Variants in MAPRE2 observed in about 807,000 individuals in gnomAD.
MAPRE2 encodes the protein microtubule-associated protein RP/EB family member 2.
Under a neutral mutation model 43.2 loss-of-function variants are expected in MAPRE2, and 13 were observed. That is an observed-to-expected ratio of 0.30 (90% confidence interval 0.20 to 0.48). The LOEUF is 0.48. Among genes scored for constraint, MAPRE2 ranks in the 20% least tolerant of loss-of-function variants. MAPRE2 has a pLI of 0.99. For missense variants in MAPRE2, 161 were observed against 400.2 expected (o/e 0.40, Z 5.10); for synonymous variants, 135 against 148.8 (o/e 0.91, Z 0.68).
chr18:35,007,209 T>C lies in MAPRE2; in HGVS notation c.-8+1656T>C, dbSNP rs142547564. On this transcript the variant is annotated intron_variant, in intron 2 of 7. Transcript: ENST00000413393. ...TAGCCCTTATAGTAGGTGGTCCATA[T>C]GTCGGGTCTGTATGAGGCAATCCTG... 1.6e-3 allele frequency among the ~76,000 whole-genome samples: 250 copies of C among 152,304 alleles called. 1 individual carries two copies. The highest frequency in any genetic ancestry group is 5.6e-3 in the African/African-American group (234 of 41,572).
chr18:35,109,636 A>G (rs532789104), intron 4 of MAPRE2, among the ~76,000 whole-genome samples: 1 of 152,182 alleles, frequency 6.6e-6, no homozygotes, highest in African/African-American at 2.4e-5. Context: ...ACATTAATCT[A>G]GCTACTCCAG....
chr18:35,129,302 C>T (rs1045295922), intron 5 of MAPRE2, among the ~76,000 whole-genome samples: 1 of 152,174 alleles, frequency 6.6e-6, no homozygotes, highest in Admixed American at 6.5e-5. Flanking sequence ...CCCCCTGAGC[C>T]TGGTAGGGGG....
chr18:34,985,732 T>TA (rs1432210444), intron 1 of MAPRE2, among the ~76,000 whole-genome samples: 3 of 129,596 alleles, frequency 2.3e-5, no homozygotes, highest in Non-Finnish European at 4.7e-5. Context: ...ATGTAATATA[T>TA]AAATATATAT....
At chr18:34,980,096 G>A (rs913347027) in intron 1 of MAPRE2, among the ~76,000 whole-genome samples, 2 of 135,176 alleles carry the variant, frequency 1.5e-5, no homozygotes, top group African/African-American at 5.8e-5. Context: ...GCACGATTTC[G>A]GCTCACTGCA....
At chr18:35,097,715 C>A in intron 3 of MAPRE2, 124 bp downstream of exon 3, 1 of 748,866 alleles carries the variant, frequency 1.3e-6, no homozygotes, top group Non-Finnish European at 2.1e-6. Context: ...AGGCTGGGGT[C>A]TGTACCTAGC....
chr18:35,017,696 AGTT>A (rs2150586068), intron 2 of MAPRE2, among the ~76,000 whole-genome samples: 1 of 151,798 alleles, frequency 6.6e-6, no homozygotes, highest in South Asian at 2.1e-4. Context: ...ACTTTATTGA[AGTT>A]GTTTATCTGT....
intron 4 of MAPRE2, among the ~76,000 whole-genome samples, chr18:35,120,491 C>A (rs569698346): frequency 2.6e-5 from 4 of 152,204 alleles, no homozygotes; most frequent in Admixed American, 2.6e-4. Flanking sequence ...TGCTTTTTTG[C>A]CCTCAGCTCA....
At chr18:35,027,466 A>G (rs754414441) in intron 2 of MAPRE2, among the ~76,000 whole-genome samples, 3 of 152,224 alleles carry the variant, frequency 2.0e-5, no homozygotes, top group Non-Finnish European at 2.9e-5. Context: ...TGAGGCCCCA[A>G]TTAAAAGGCA....
chr18:35,040,457 C>G (rs1431424245), upstream of MAPRE2, among the ~76,000 whole-genome samples: 1 of 152,220 alleles, frequency 6.6e-6, no homozygotes, highest in African/African-American at 2.4e-5. Flanking sequence ...CTCCAGTTCA[C>G]CACTCCTAGC....
At chr18:35,025,284 C>T (rs503302) in intron 2 of MAPRE2, among the ~76,000 whole-genome samples, 102,119 of 151,594 alleles carry the variant, frequency 0.67, 35,695 homozygotes, top group East Asian at 0.98. Flanking sequence ...GCTGTTCAGC[C>T]TGTTGTGTCC....
chr18:35,083,070 G>A (rs907901722), intron 2 of MAPRE2, among the ~76,000 whole-genome samples: 3 of 151,962 alleles, frequency 2.0e-5, no homozygotes, highest in African/African-American at 7.3e-5. Flanking sequence ...CCTACAGATG[G>A]GCATTTCTTT....
intron 2 of MAPRE2, among the ~76,000 whole-genome samples, chr18:35,013,081 T>A (rs2097035805): frequency 2.0e-5 from 3 of 152,146 alleles, no homozygotes; most frequent in Non-Finnish European, 4.4e-5. Flanking sequence ...ACACTAAAAA[T>A]GCCTATTGCT....
At chr18:34,977,517 C>A (rs1398799993) in intron 1 of MAPRE2, among the ~76,000 whole-genome samples, 1 of 152,160 alleles carries the variant, frequency 6.6e-6, no homozygotes, top group African/African-American at 2.4e-5. Context: ...GGGGCGCCGG[C>A]ACTGAGAGAG....
At chr18:35,049,355 T>C (rs1310656313) in intron 1 of MAPRE2, among the ~76,000 whole-genome samples, 2 of 152,130 alleles carry the variant, frequency 1.3e-5, no homozygotes, top group African/African-American at 4.8e-5. Context: ...CATTTTGGAG[T>C]GCCAGAAAGT....
In MAPRE2 at chr18:35,142,954, C is replaced by G. The variant is rs945544447; in HGVS notation, c.*2585C>G. 9.9e-5 allele frequency: 15 copies of G among 151,938 alleles called. No individual in the cohort carries two copies. Among genetic ancestry groups the G allele is most frequent in the African/African-American group, 3.6e-4 (15 of 41,416 alleles). The allele number at this position is 151,938 out of a possible 1,614,324, so 9.4% of individuals were successfully genotyped here. On this transcript the variant is annotated 3_prime_UTR_variant, in exon 7 of 7. Coordinates refer to ENST00000300249, the MANE Select transcript of MAPRE2 (RefSeq NM_014268.4). ...AGGAAGCCCAGTTTCATCCTTAGTACCCCCCCTCGTGCCCGCTGTCGGCTG... is the reference window on the plus strand; with the variant it reads ...AGGAAGCCCAGTTTCATCCTTAGTAGCCCCCCTCGTGCCCGCTGTCGGCTG...
intron 2 of MAPRE2, among the ~76,000 whole-genome samples, chr18:35,010,383 G>A (rs1315574321): frequency 1.3e-5 from 2 of 152,208 alleles, no homozygotes; most frequent in East Asian, 3.8e-4. Flanking sequence ...ACCAGCTTGT[G>A]AGCTGGACAA....
chr18:35,072,377 A>G (rs1907154244), intron 2 of MAPRE2, among the ~76,000 whole-genome samples: 1 of 152,222 alleles, frequency 6.6e-6, no homozygotes, highest in Admixed American at 6.5e-5. Flanking sequence ...CTTACCCACA[A>G]AGTGGGTATA....
chr18:35,066,761 A>C (rs1417801287), intron 1 of MAPRE2, among the ~76,000 whole-genome samples: 1 of 152,260 alleles, frequency 6.6e-6, no homozygotes, highest in Admixed American at 6.5e-5. Flanking sequence ...GTCCAGACTC[A>C]GAACTCTCAG....
At chr18:35,006,998 A>G (rs921687994) in intron 2 of MAPRE2, among the ~76,000 whole-genome samples, 2 of 152,210 alleles carry the variant, frequency 1.3e-5, no homozygotes, top group African/African-American at 4.8e-5. Flanking sequence ...GGTACCCTGC[A>G]TGATGTTCCA....
Sources: allele counts gnomAD v4.1 joint callset (sites outside exome capture counted in the v4.1 genomes callset), GRCh38; gene constraint gnomAD v4.1.1; transcripts MANE v1.5; gene names NCBI Gene and HGNC (gene_info 2026-07-23, HGNC 2026-07-21).